Variants in MBOAT1 observed in about 807,000 individuals in gnomAD.
MBOAT1 encodes membrane bound glycerophospholipid O-acyltransferase 1.
Under a neutral mutation model 64.4 loss-of-function variants are expected in MBOAT1, and 67 were observed. That is an observed-to-expected ratio of 1.04 (90% confidence interval 0.85 to 1.27). The LOEUF is 1.27. Among genes scored for constraint, MBOAT1 ranks in the 50% most tolerant of loss-of-function variants. The probability of loss-of-function intolerance (pLI) is 0.00; values close to 1 mark genes in which losing one functional copy is unlikely to be tolerated. For missense variants in MBOAT1, 563 were observed against 604.6 expected (o/e 0.93, Z 0.72); for synonymous variants, 229 against 218.9 (o/e 1.05, Z -0.41).
At chr6:20,124,323 A>T in intron 8 of MBOAT1, 85 bp downstream of exon 8, 1 of 1,383,730 alleles carries the variant, frequency 7.2e-7, no homozygotes, top group South Asian at 1.4e-5. Context: ...TCTTTGATGA[A>T]GTGATCCAAA....
At chr6:20,131,321 G>C (rs565336492) in intron 4 of MBOAT1, 122 bp from the exon 5 acceptor site, 2 of 801,644 alleles carry the variant, frequency 2.5e-6, no homozygotes, top group Non-Finnish European at 4.3e-6. Flanking sequence ...TCGTGGGAGG[G>C]ACCAAATGGG....
chr6:20,199,056 C>A (rs1415756279), intron 1 of MBOAT1, among the ~76,000 whole-genome samples: 1 of 152,234 alleles, frequency 6.6e-6, no homozygotes, highest in Non-Finnish European at 1.5e-5. Flanking sequence ...AAGGCAAAGG[C>A]CAACCTGTAA....
intron 1 of MBOAT1, among the ~76,000 whole-genome samples, chr6:20,157,739 T>TA (rs200376274): frequency 0.049 from 7,037 of 142,302 alleles, 251 homozygotes; most frequent in African/African-American, 0.11. Flanking sequence ...CGTTAAACTG[T>TA]AAAAAAAAAA....
chr6:20,179,585 T>C (rs1429501878), intron 1 of MBOAT1, among the ~76,000 whole-genome samples: 1 of 152,220 alleles, frequency 6.6e-6, no homozygotes, highest in African/African-American at 2.4e-5. Flanking sequence ...TTTAGGTTGA[T>C]TCCATGTGTC....
intron 1 of MBOAT1, among the ~76,000 whole-genome samples, chr6:20,180,982 C>T (rs951094678): frequency 2.0e-5 from 3 of 152,192 alleles, no homozygotes; most frequent in African/African-American, 7.2e-5. Context: ...TTTAATGAGA[C>T]ATATAATTAA....
At chr6:20,141,424 T>A (rs1761174220) in intron 4 of MBOAT1, among the ~76,000 whole-genome samples, 1 of 146,080 alleles carries the variant, frequency 6.8e-6, no homozygotes, top group East Asian at 2.1e-4. Flanking sequence ...TGCAGTGGCA[T>A]AATCATAGCT....
chr6:20,127,226 C>G (rs1760681466), intron 6 of MBOAT1, among the ~76,000 whole-genome samples: 1 of 152,174 alleles, frequency 6.6e-6, no homozygotes, highest in Non-Finnish European at 1.5e-5. Flanking sequence ...GCCTGAGTTC[C>G]TGAGTAACAG....
chr6:20,156,184 TGG>T, intron 1 of MBOAT1, among the ~76,000 whole-genome samples: 1 of 147,656 alleles, frequency 6.8e-6, no homozygotes, highest in African/African-American at 2.5e-5. Context: ...GATAGGAGAA[TGG>T]CGCGAACCTG....
intron 1 of MBOAT1, among the ~76,000 whole-genome samples, chr6:20,182,098 A>C (rs1404119500): frequency 6.6e-6 from 1 of 152,224 alleles, no homozygotes; most frequent in African/African-American, 2.4e-5. Context: ...TGTTAGGAGA[A>C]TCTGAGTAAT....
chr6:20,127,903 C>T (rs2113654611), intron 6 of MBOAT1, among the ~76,000 whole-genome samples: 1 of 152,222 alleles, frequency 6.6e-6, no homozygotes, highest in African/African-American at 2.4e-5. Context: ...GAGACTGCTG[C>T]CCTACAGCAT....
At chr6:20,114,104 T>C (rs1422908253) in intron 10 of MBOAT1, among the ~76,000 whole-genome samples, 1 of 152,182 alleles carries the variant, frequency 6.6e-6, no homozygotes, top group African/African-American at 2.4e-5. Flanking sequence ...AGCAATAATG[T>C]TGAGGCCAAA....
chr6:20,152,332 AAAAAAAT>A (rs869196642), intron 2 of MBOAT1, among the ~76,000 whole-genome samples: 4 of 110,240 alleles, frequency 3.6e-5, no homozygotes, highest in Admixed American at 8.7e-5. Context: ...GTCTCAAAAA[AAAAAAAT>A]AAAAAATAAA....
At chr6:20,168,550 A>G (rs1181920526) in intron 1 of MBOAT1, among the ~76,000 whole-genome samples, 1 of 93,716 alleles carries the variant, frequency 1.1e-5, no homozygotes, top group East Asian at 2.8e-4. Context: ...GAGGAGAGGG[A>G]AACAGAGAAA....
chr6:20,101,182 CCTTT>C lies in MBOAT1; in HGVS notation c.*1100_*1103del, dbSNP rs1406150219. Among the ~76,000 whole-genome samples the C allele has an allele frequency of 2.0e-5, 3 of 152,158 alleles. No individual in the cohort carries two copies. The highest frequency in any genetic ancestry group is 7.2e-5 in the African/African-American group (3 of 41,432). The stretch of plus-strand genomic sequence containing the variant: ...AAATTTCCTAAAAGGCATTCTGCTG[CCTTT>C]CTGAGGCATGAACATTTGGGTGTCT... On this transcript the variant is annotated 3_prime_UTR_variant, in exon 13 of 13. Transcript: ENST00000324607.
intron 1 of MBOAT1, among the ~76,000 whole-genome samples, chr6:20,172,063 CAAG>C (rs1475189355): frequency 2.6e-5 from 4 of 151,460 alleles, no homozygotes; most frequent in Admixed American, 6.6e-5. Context: ...CAAAAACAAA[CAAG>C]AAGAAGAAGA....
intron 7 of MBOAT1, among the ~76,000 whole-genome samples, chr6:20,125,183 A>C (rs1378175675): frequency 6.6e-6 from 1 of 152,166 alleles, no homozygotes; most frequent in Non-Finnish European, 1.5e-5. Flanking sequence ...CTCTGGACAG[A>C]GTGATTTTGC....
chr6:20,146,633 G>A (rs541856218), intron 3 of MBOAT1, among the ~76,000 whole-genome samples: 1 of 152,298 alleles, frequency 6.6e-6, no homozygotes, highest in South Asian at 2.1e-4. Flanking sequence ...TCAAAAGATA[G>A]ATTCTTCCAG....
In MBOAT1 at chr6:20,124,613, A is replaced by G. The variant is rs1480306709; in HGVS notation, c.715-13T>C. 3 of 1,612,956 alleles carry G rather than the reference A, an allele frequency of 1.9e-6. No individual in the cohort carries two copies. Among genetic ancestry groups the G allele is most frequent in the African/African-American group, 2.7e-5 (2 of 74,898 alleles). ...GTATCACAGCTCCCTGAAAATGGGG[A>G]AAAATCAGTGTCACCGTGCAGAAGG... On this transcript the variant is annotated splice_polypyrimidine_tract_variant and intron_variant, in intron 7 of 12. Coordinates refer to ENST00000324607, the MANE Select transcript of MBOAT1 (RefSeq NM_001080480.3).
At chr6:20,181,905 ACTT>A (rs1171140182) in intron 1 of MBOAT1, among the ~76,000 whole-genome samples, 3 of 152,240 alleles carry the variant, frequency 2.0e-5, no homozygotes, top group African/African-American at 4.8e-5. Flanking sequence ...AGCACACAGA[ACTT>A]CTCATAGACA....
Sources: gnomAD v4.1 joint callset for allele counts (sites outside exome capture counted in the v4.1 genomes callset) on GRCh38, gnomAD v4.1.1 for gene constraint, MANE v1.5 for transcripts, NCBI Gene and HGNC (gene_info 2026-07-23, HGNC 2026-07-21) for gene names.